The following AADACL4 variants were observed in gnomAD, a reference collection of about 807,000 sequenced individuals.
AADACL4 encodes the protein arylacetamide deacetylase-like 4.
AADACL4 carries 9 observed loss-of-function variants against 14.1 expected under a neutral mutation model. The observed-to-expected ratio is 0.64, with a 90% CI of 0.39 to 1.12. AADACL4 has a LOEUF of 1.12. Among genes scored for constraint, AADACL4 ranks in the 50% most tolerant of loss-of-function variants. The probability of loss-of-function intolerance (pLI) is 0.01; values close to 1 mark genes in which losing one functional copy is unlikely to be tolerated. For missense variants in AADACL4, 531 were observed against 516.1 expected (o/e 1.03, Z -0.28); for synonymous variants, 188 against 201.6 (o/e 0.93, Z 0.57).
chr1:12,660,584 G>A (rs138493142), intron 2 of AADACL4, among the ~76,000 whole-genome samples: 10 of 152,156 alleles, frequency 6.6e-5, no homozygotes, highest in East Asian at 1.9e-4. Flanking sequence ...AATCACCTGC[G>A]AATTTTAAAG....
chr1:12,657,725 T>A (rs2265707), intron 2 of AADACL4, among the ~76,000 whole-genome samples: 22,876 of 152,044 alleles, frequency 0.15, 4,009 homozygotes, highest in African/African-American at 0.43. Context: ...CTGTGGTGGG[T>A]CCACACCCAT....
chr1:12,656,374 T>A (rs1647179132), intron 2 of AADACL4, among the ~76,000 whole-genome samples: 1 of 152,134 alleles, frequency 6.6e-6, no homozygotes, highest in Admixed American at 6.6e-5. Context: ...TGCCCAGGCA[T>A]CTGTGGCCCC....
At chr1:12,656,372 CA>C (rs1187379830) in intron 2 of AADACL4, among the ~76,000 whole-genome samples, 2 of 152,176 alleles carry the variant, frequency 1.3e-5, no homozygotes, top group African/African-American at 4.8e-5. Context: ...GTTGCCCAGG[CA>C]TCTGTGGCCC....
chr1:12,654,310 A>G (rs1647168239), intron 2 of AADACL4, among the ~76,000 whole-genome samples: 1 of 152,228 alleles, frequency 6.6e-6, no homozygotes, highest in African/African-American at 2.4e-5. Context: ...TGTTTTAACA[A>G]CTTCTCAATT....
intron 2 of AADACL4, among the ~76,000 whole-genome samples, chr1:12,658,121 TTCCTTCCTTC>T (rs1647195741): frequency 7.8e-5 from 10 of 128,952 alleles, no homozygotes; most frequent in African/African-American, 3.9e-4. Context: ...CCTTCCTTCC[TTCCTTCCTTC>T]CTTCCTTCCT....
In AADACL4 at chr1:12,666,324, T is replaced by C; in HGVS notation, c.813T>C (p.Thr271=). Residue 271 remains threonine (T), a synonymous_variant, in exon 4 of 4, where the codon ACT becomes ACC. Coordinates refer to ENST00000376221, the MANE Select transcript of AADACL4 (RefSeq NM_001013630.2). ...GGCGTGACGCCATCTTGAACGGCAC[T>C]TGTGTACCCCCAGACGTCTGGAGGA... is the stretch of plus-strand genomic sequence containing the variant. ...LSWRDAILNG[T]CVPPDVWRKY... 6.2e-7 allele frequency: 1 copy of C among 1,614,202 alleles called. No individual in the cohort carries two copies. The highest frequency in any genetic ancestry group is 8.5e-7 in the Non-Finnish European group (1 of 1,180,042).
At chr1:12,648,861 G>A (rs1647128321) in intron 1 of AADACL4, among the ~76,000 whole-genome samples, 1 of 152,186 alleles carries the variant, frequency 6.6e-6, no homozygotes, top group Admixed American at 6.6e-5. Flanking sequence ...TCGTGGCATA[G>A]CTAGTGGCCA....
chr1:12,653,904 A>T (rs1351298885), intron 2 of AADACL4, among the ~76,000 whole-genome samples: 1 of 152,212 alleles, frequency 6.6e-6, no homozygotes, highest in African/African-American at 2.4e-5. Flanking sequence ...GAGGGACTGC[A>T]TACAAGGATA....
rs759772430 is a variant in AADACL4, at chr1:12,644,611, G to A, written c.65G>A (p.Trp22Ter). The part of the protein sequence containing the change: ...LPIFFLGVFV[W>*]AVFEHFLTTD... Reference sequence around the variant, plus strand: ...ATCTTTTTCCTGGGGGTCTTTGTCTGGGCTGTCTTTGAGCACTTCCTCACC... The same window carrying A: ...ATCTTTTTCCTGGGGGTCTTTGTCTAGGCTGTCTTTGAGCACTTCCTCACC... The change falls in exon 1 of 4, where the codon TGG becomes TAG. Residue 22 changes from tryptophan (W) to a stop codon, truncating the protein, a stop_gained. Coordinates refer to ENST00000376221, the MANE Select transcript of AADACL4 (RefSeq NM_001013630.2). LOFTEE classifies it high-confidence loss of function. The A allele has an allele frequency of 6.2e-7, 1 of 1,614,114 alleles. No individual in the cohort carries two copies. The highest frequency in any genetic ancestry group is 1.1e-5 in the South Asian group (1 of 91,076).
Position 12,645,719 on chromosome 1 carries a change from C to T in AADACL4, c.168+1005C>T, listed in dbSNP as rs561396930. 7.9e-5 allele frequency among the ~76,000 whole-genome samples: 12 copies of T among 151,982 alleles called. No individual in the cohort carries two copies. The South Asian group carries it at 2.1e-3, about 26-fold the overall frequency. On this transcript the variant is annotated intron_variant, in intron 1 of 3. Coordinates refer to ENST00000376221, the MANE Select transcript of AADACL4 (RefSeq NM_001013630.2). ...CCACCATGCCCGGCTAATTTTTGTA[C>T]TTTTGGTAGAGACAGGGTTTCGCTA...
At chr1:12,662,724 C>G (rs1489665297) in intron 3 of AADACL4, among the ~76,000 whole-genome samples, 15 of 152,192 alleles carry the variant, frequency 9.9e-5, no homozygotes, top group Non-Finnish European at 1.6e-4. Flanking sequence ...TTAGCTGCCC[C>G]TAGGCTTTGG....
At chr1:12,663,721 C>G (rs1647267526) in intron 3 of AADACL4, among the ~76,000 whole-genome samples, 1 of 152,048 alleles carries the variant, frequency 6.6e-6, no homozygotes, top group African/African-American at 2.4e-5. Flanking sequence ...GTCATATATT[C>G]AACATTTGGT....
At chr1:12,654,981 C>T (rs1647172246) in intron 2 of AADACL4, among the ~76,000 whole-genome samples, 3 of 152,112 alleles carry the variant, frequency 2.0e-5, no homozygotes. Context: ...CTTTACAGCA[C>T]CTTGCTTGGT....
intron 1 of AADACL4, among the ~76,000 whole-genome samples, chr1:12,648,221 C>G (rs994178149): frequency 2.0e-5 from 3 of 152,060 alleles, no homozygotes; most frequent in Middle Eastern, 3.4e-3. Context: ...CCGCCTGCCT[C>G]GGCCTCCCAA....
intron 1 of AADACL4, among the ~76,000 whole-genome samples, chr1:12,645,605 C>T (rs1322822099): frequency 6.6e-6 from 1 of 151,966 alleles, no homozygotes; most frequent in African/African-American, 2.4e-5. Context: ...TGCAGTGGTG[C>T]AATCATGGCT....
intron 2 of AADACL4, among the ~76,000 whole-genome samples, chr1:12,657,148 A>AAAAAAAAAAAAAAAAAAAAAG (rs1647182392): frequency 6.7e-6 from 1 of 150,092 alleles, no homozygotes. Context: ...CTCAAAAAAA[A>AAAAAAAAAAAAAAAAAAAAAG]AAAAAAAAAA....
intron 2 of AADACL4, among the ~76,000 whole-genome samples, chr1:12,657,417 G>A (rs189409143): frequency 5.3e-4 from 81 of 152,274 alleles, no homozygotes; most frequent in Non-Finnish European, 8.4e-4. Context: ...TGACTGGCTC[G>A]CCACAAAGAT....
chr1:12,661,369 CTG>C (rs546247868), intron 2 of AADACL4, among the ~76,000 whole-genome samples: 21 of 152,314 alleles, frequency 1.4e-4, no homozygotes, highest in African/African-American at 5.1e-4. Flanking sequence ...GGACCTGCCT[CTG>C]AGAACTTCAT....
chr1:12,662,156 G>A (rs1304434399), intron 3 of AADACL4, among the ~76,000 whole-genome samples: 1 of 152,178 alleles, frequency 6.6e-6, no homozygotes, highest in Non-Finnish European at 1.5e-5. Context: ...GTACCATGTT[G>A]CAAATGAATC....
Sources: gnomAD v4.1 joint callset for allele counts (sites outside exome capture counted in the v4.1 genomes callset) on GRCh38, gnomAD v4.1.1 for gene constraint, MANE v1.5 for transcripts, NCBI Gene and HGNC (gene_info 2026-07-23, HGNC 2026-07-21) for gene names.